Variants in DICER1 observed in about 807,000 individuals in gnomAD.
The protein encoded by DICER1 is endoribonuclease Dicer.
Under a neutral mutation model 194.1 loss-of-function variants are expected in DICER1, and 43 were observed. That is an observed-to-expected ratio of 0.22 (90% CI 0.17 to 0.29). The LOEUF is 0.29. Ranked by LOEUF, DICER1 falls within the 10% of genes least tolerant of loss-of-function variation. The pLI is 1.00. For synonymous variants in DICER1, 832 were observed against 820.5 expected, an observed-to-expected ratio of 1.01 and a Z score of -0.24; for missense variants, 1,608 against 2,317.0, an observed-to-expected ratio of 0.69 and a Z score of 6.28.
intron 12 of DICER1, among the ~76,000 whole-genome samples, chr14:95,112,664 C>T (rs924225221): frequency 6.6e-6 from 1 of 152,144 alleles, no homozygotes; most frequent in Non-Finnish European, 1.5e-5. Flanking sequence ...AGACCAAGAA[C>T]AGTATTTACA....
chr14:95,132,728 T>C, intron 2 of DICER1, 51 bp from the exon 3 acceptor site: 2 of 1,555,160 alleles, frequency 1.3e-6, no homozygotes, highest in Non-Finnish European at 1.8e-6. Context: ...AAGTACAAAA[T>C]TTATAAAATT....
At chr14:95,090,789 C>T (rs1595311364) in intron 26 of DICER1, 126 bp from the exon 27 acceptor site, 10 of 1,201,060 alleles carry the variant, frequency 8.3e-6, no homozygotes, top group Admixed American at 5.3e-5. Flanking sequence ...AAAGGAAACA[C>T]GCGTTACGAC....
At position 95,112,225 on chromosome 14, in the gene DICER1, C is replaced by A. The variant is rs542398644; in HGVS notation, c.2063G>T (p.Arg688Leu). The A allele has an allele frequency of 6.2e-7, 1 of 1,613,990 alleles. No homozygotes were observed. The highest frequency in any genetic ancestry group is 2.2e-5 in the East Asian group (1 of 44,858). The change falls in exon 13 of 27, where the codon CGA (arginine) becomes CTA (leucine). Residue 688 changes from arginine (R) to leucine (L), a missense_variant. Arg to Leu is a moderately radical substitution (Grantham distance 102, BLOSUM62 -2). Around this residue, in one of 10 missense-constraint regions of DICER1, gnomAD observed 657 missense variants for 910.1 expected, o/e 0.72. Coordinates refer to ENST00000343455, the MANE Select transcript of DICER1 (RefSeq NM_177438.3). ...SIVGPPMSCV[R>L]LAERVVALIC... ...GAGAGCTACAACTCTTTCAGCCAAT[C>A]GTACACAGCTCATTGGTGGACCCTG...
intron 7 of DICER1, among the ~76,000 whole-genome samples, chr14:95,125,352 ACAC>A (rs1893317147): frequency 6.6e-6 from 1 of 151,276 alleles, no homozygotes; most frequent in Non-Finnish European, 1.5e-5. Flanking sequence ...TTCAATGAAA[ACAC>A]CACCACAAGG....
intron 22 of DICER1, 30 bp downstream of exon 22, chr14:95,099,750 A>G: frequency 6.2e-7 from 1 of 1,605,900 alleles, no homozygotes. Flanking sequence ...ACACACACAC[A>G]CACACACACA....
intron 24 of DICER1, among the ~76,000 whole-genome samples, chr14:95,093,265 G>C (rs1017588587): frequency 3.3e-5 from 5 of 152,206 alleles, no homozygotes; most frequent in African/African-American, 1.2e-4. Context: ...GTATGCAGAT[G>C]AATGTTAAGA....
chr14:95,096,533 A>G lies in DICER1; in HGVS notation c.4387T>C (p.Phe1463Leu). Residue 1463 changes from phenylalanine (F) to leucine (L), a missense_variant, in exon 23 of 27, where the codon TTT (phenylalanine) becomes CTT (leucine). Physicochemically the swap from Phe to Leu is conservative, Grantham distance 22. Coordinates refer to ENST00000343455, the MANE Select transcript of DICER1 (RefSeq NM_177438.3). Reference protein sequence around the residue: ...IDNMLMGSGAFVKKISLSPFS... With the variant: ...IDNMLMGSGALVKKISLSPFS... ...GGAGAAAGAGAGATTTTCTTTACAA[A>G]AGCTCCTGACCCCATTAACATATTA... 6.2e-7 allele frequency: 1 copy of G among 1,614,092 alleles called. No individual in the cohort carries two copies. Among genetic ancestry groups the G allele is most frequent in the Non-Finnish European group, 8.5e-7 (1 of 1,179,978 alleles).
At chr14:95,128,831 C>G (rs1026530919) in intron 6 of DICER1, among the ~76,000 whole-genome samples, 1 of 152,190 alleles carries the variant, frequency 6.6e-6, no homozygotes, top group African/African-American at 2.4e-5. Flanking sequence ...AAGACTACAT[C>G]TAGTAAGAAT....
chr14:95,148,695 A>G (rs1895303773), intron 1 of DICER1, among the ~76,000 whole-genome samples: 1 of 152,236 alleles, frequency 6.6e-6, no homozygotes, highest in African/African-American at 2.4e-5. Context: ...AGATCTCCAT[A>G]TAAGAAGTGT....
intron 26 of DICER1, 136 bp from the exon 27 acceptor site, chr14:95,090,799 C>T: frequency 2.6e-6 from 3 of 1,140,766 alleles, no homozygotes; most frequent in Non-Finnish European, 2.6e-6. Flanking sequence ...CGCGTTACGA[C>T]TTACTGCAAT....
intron 24 of DICER1, among the ~76,000 whole-genome samples, chr14:95,092,735 G>A (rs536542097): frequency 6.6e-6 from 1 of 152,292 alleles, no homozygotes; most frequent in South Asian, 2.1e-4. Flanking sequence ...GGAAAAGAAT[G>A]AACAAAAACT....
chr14:95,135,906 T>C (rs1894327115), intron 1 of DICER1, among the ~76,000 whole-genome samples: 1 of 152,206 alleles, frequency 6.6e-6, no homozygotes, highest in South Asian at 2.1e-4. Context: ...CATTATTGAA[T>C]TCATTTTTAA....
intron 1 of DICER1, among the ~76,000 whole-genome samples, chr14:95,145,912 A>G (rs1305890368): frequency 1.3e-5 from 2 of 152,188 alleles, no homozygotes; most frequent in Non-Finnish European, 2.9e-5. Context: ...TTCATATAGA[A>G]ACGCTCCCTT....
chr14:95,097,124 T>C (rs1890426392), intron 22 of DICER1, among the ~76,000 whole-genome samples: 1 of 152,236 alleles, frequency 6.6e-6, no homozygotes, highest in African/African-American at 2.4e-5. Context: ...GAAAATGTGG[T>C]AATTTGATTT....
intron 1 of DICER1, among the ~76,000 whole-genome samples, chr14:95,139,187 T>C (rs1475303186): frequency 2.0e-5 from 3 of 152,176 alleles, no homozygotes; most frequent in African/African-American, 7.2e-5. Flanking sequence ...CTAGCAGTTA[T>C]ACTACAGAGG....
chr14:95,106,800 T>C (rs990288543), intron 17 of DICER1, among the ~76,000 whole-genome samples: 2 of 152,122 alleles, frequency 1.3e-5, no homozygotes, highest in Non-Finnish European at 2.9e-5. Flanking sequence ...TCATTCTGGA[T>C]TTACTATTTT....
rs1287542000 is a variant in DICER1 at position 95,086,882 on chromosome 14, C to T, written c.*3616G>A. ...ATTATTCAAATGTAATTAAAACAAC[C>T]ATATAGGTAATAAACATGACATGAG... On this transcript the variant is annotated 3_prime_UTR_variant, in exon 27 of 27. Transcript: ENST00000343455. 1.7e-5 allele frequency: 4 copies of T among 232,322 alleles called. No homozygotes were observed. The highest frequency in any genetic ancestry group is 3.4e-5 in the Non-Finnish European group (4 of 117,686). 14.4% of individuals were successfully genotyped at this position (232,322 alleles called of 1,614,324 possible). A position where few individuals can be genotyped will look rare whatever the true frequency, so the allele number is the denominator to read the frequency against.
chr14:95,147,853 C>A (rs1163246301), intron 1 of DICER1, among the ~76,000 whole-genome samples: 1 of 152,186 alleles, frequency 6.6e-6, no homozygotes, highest in Non-Finnish European at 1.5e-5. Flanking sequence ...ACTTGCTAGA[C>A]CAGCTCACAG....
intron 8 of DICER1, among the ~76,000 whole-genome samples, chr14:95,119,323 C>G (rs1892747936): frequency 6.6e-6 from 1 of 152,016 alleles, no homozygotes; most frequent in Non-Finnish European, 1.5e-5. Context: ...CCACAGAGAA[C>G]AGAAGAGACA....
Sources: allele counts gnomAD v4.1 joint callset (sites outside exome capture counted in the v4.1 genomes callset), GRCh38; gene constraint gnomAD v4.1.1; regional missense constraint gnomAD v4.1.1; transcripts MANE v1.5; gene names NCBI Gene and HGNC (gene_info 2026-07-23, HGNC 2026-07-21).